Variants in KIF16B observed in about 807,000 individuals in gnomAD.
KIF16B encodes the protein kinesin family member 16B.
In KIF16B, 98 loss-of-function variants were observed where a neutral mutation model predicts 156.3. The ratio of observed to expected loss-of-function variants is 0.63; its 90% CI spans 0.53 to 0.74. The LOEUF (loss-of-function observed/expected upper bound fraction) is 0.74. KIF16B is among the 30% of genes least tolerant of loss of function. KIF16B has a pLI of 0.00. For missense variants in KIF16B, 1,421 were observed against 1,606.5 expected (o/e 0.88, Z 1.97); for synonymous variants, 564 against 583.7 (o/e 0.97, Z 0.49).
At chr20:16,557,337 G>A (rs537575456) in intron 1 of KIF16B, among the ~76,000 whole-genome samples, 14 of 151,832 alleles carry the variant, frequency 9.2e-5, no homozygotes, top group South Asian at 6.2e-4. Context: ...CTGCTACTAC[G>A]CCCGGCTAAT....
intron 15 of KIF16B, among the ~76,000 whole-genome samples, chr20:16,407,840 T>C (rs2065825713): frequency 6.6e-6 from 1 of 152,122 alleles, no homozygotes; most frequent in Admixed American, 6.6e-5. Flanking sequence ...ACAAAATCTT[T>C]AGTTGGCAAG....
At chr20:16,549,468 C>A (rs2147279562) in intron 1 of KIF16B, among the ~76,000 whole-genome samples, 1 of 151,712 alleles carries the variant, frequency 6.6e-6, no homozygotes, top group African/African-American at 2.4e-5. Context: ...GGTTCCAAGT[C>A]TTTGCTATTG....
chr20:16,573,206 G>A, intron 1 of KIF16B, 23 bp downstream of exon 1: 1 of 1,570,508 alleles, frequency 6.4e-7, no homozygotes, highest in South Asian at 1.2e-5. Context: ...ACGAGGGGGC[G>A]GGGCGCGGGC....
At chr20:16,307,635 A>G (rs1251369251) in intron 25 of KIF16B, among the ~76,000 whole-genome samples, 2 of 152,188 alleles carry the variant, frequency 1.3e-5, no homozygotes, top group African/African-American at 2.4e-5. Context: ...AATTTAACTA[A>G]TTTTATGTCT....
In KIF16B at chr20:16,523,531, G is replaced by A. The variant is rs1227124121; in HGVS notation, c.231+2561C>T. Among the ~76,000 whole-genome samples, 3 of 152,024 alleles carry A rather than the reference G, an allele frequency of 2.0e-5. No homozygotes were observed. The East Asian group carries it at 5.8e-4, about 29-fold the overall frequency. On this transcript the variant is annotated intron_variant, in intron 3 of 25. Transcript: ENST00000354981. ...TACAAACCACTGCTCAAAGAAATAAGAGAGGACACAAACAAATGGAAAAAC... is the reference window on the plus strand; with the variant it reads ...TACAAACCACTGCTCAAAGAAATAAAAGAGGACACAAACAAATGGAAAAAC...
Position 16,379,037 on chromosome 20 carries a change from T to C in KIF16B, c.2965A>G (p.Lys989Glu). 6.2e-7 allele frequency: 1 copy of C among 1,610,942 alleles called. No individual in the cohort carries two copies. The highest frequency in any genetic ancestry group is 8.5e-7 in the Non-Finnish European group (1 of 1,178,550). Residue 989 changes from lysine to glutamate, a missense_variant, in exon 19 of 26, where the codon AAG becomes GAG. Coordinates refer to ENST00000354981, the MANE Select transcript of KIF16B (RefSeq NM_024704.5). ...CTGGACTCCAAAATCTCCTTTTCCT[T>C]TTTCCTCACTTTTTCCTCCTGACGT... ...IARQEEKVRK[K>E]EKEILESREK... is the part of the protein sequence containing the mutation.
intron 1 of KIF16B, among the ~76,000 whole-genome samples, chr20:16,549,935 G>A: frequency 1.8e-5 from 1 of 55,130 alleles, no homozygotes. Context: ...ACATAGGCAT[G>A]GGCAAGGACT....
chr20:16,293,382 G>C (rs1377614477), intron 25 of KIF16B, among the ~76,000 whole-genome samples: 1 of 152,164 alleles, frequency 6.6e-6, no homozygotes, highest in East Asian at 1.9e-4. Context: ...AGCAGCACTG[G>C]AGTTAGAAGA....
At chr20:16,334,387 C>G (rs140001098) in intron 24 of KIF16B, among the ~76,000 whole-genome samples, 1 of 152,172 alleles carries the variant, frequency 6.6e-6, no homozygotes, top group Non-Finnish European at 1.5e-5. Flanking sequence ...ATTTCAGCCA[C>G]GAAAATTAAA....
At chr20:16,556,068 G>A (rs1245256560) in intron 1 of KIF16B, among the ~76,000 whole-genome samples, 1 of 152,016 alleles carries the variant, frequency 6.6e-6, no homozygotes, top group Non-Finnish European at 1.5e-5. Context: ...TCCAACACTG[G>A]GCCACTCATT....
chr20:16,343,591 TTCTG>T (rs1329980353), intron 23 of KIF16B, among the ~76,000 whole-genome samples: 16 of 152,298 alleles, frequency 1.1e-4, no homozygotes, highest in African/African-American at 3.4e-4. Context: ...CTAAAAAAAG[TTCTG>T]TCTGATTTTT....
chr20:16,384,627 G>C (rs1323011398), intron 17 of KIF16B, among the ~76,000 whole-genome samples: 1 of 152,148 alleles, frequency 6.6e-6, no homozygotes, highest in Non-Finnish European at 1.5e-5. Flanking sequence ...GTGTTTTGTA[G>C]AAAATAGATG....
At chr20:16,545,322 G>A (rs1464819684) in intron 1 of KIF16B, among the ~76,000 whole-genome samples, 2 of 151,826 alleles carry the variant, frequency 1.3e-5, no homozygotes, top group Non-Finnish European at 2.9e-5. Flanking sequence ...CTTGAGTCCA[G>A]GAGTTTAAGA....
intron 10 of KIF16B, among the ~76,000 whole-genome samples, chr20:16,497,904 T>C (rs2068500021): frequency 6.6e-6 from 1 of 152,110 alleles, no homozygotes; most frequent in Non-Finnish European, 1.5e-5. Flanking sequence ...ACATTTGCAA[T>C]ACAAATCAGC....
chr20:16,418,899 C>A (rs948718196), intron 15 of KIF16B, among the ~76,000 whole-genome samples: 1 of 152,118 alleles, frequency 6.6e-6, no homozygotes, highest in Non-Finnish European at 1.5e-5. Flanking sequence ...CAGCTGGAGG[C>A]TACACTTCCC....
intron 1 of KIF16B, among the ~76,000 whole-genome samples, chr20:16,529,584 T>C (rs2069671586): frequency 1.3e-5 from 2 of 152,356 alleles, no homozygotes; most frequent in South Asian, 2.1e-4. Context: ...GTAATGATGT[T>C]GGTGCCCTAG....
intron 12 of KIF16B, among the ~76,000 whole-genome samples, chr20:16,444,212 T>C (rs2066873837): frequency 6.6e-6 from 1 of 152,220 alleles, no homozygotes; most frequent in Non-Finnish European, 1.5e-5. Flanking sequence ...TTTGGCAGTG[T>C]CTTCTACAGT....
At chr20:16,546,163 G>A (rs1191145721) in intron 1 of KIF16B, among the ~76,000 whole-genome samples, 1 of 152,166 alleles carries the variant, frequency 6.6e-6, no homozygotes, top group Non-Finnish European at 1.5e-5. Context: ...GGGGGCACTA[G>A]GTTTGGGGGA....
intron 12 of KIF16B, among the ~76,000 whole-genome samples, chr20:16,483,208 G>A (rs1281987019): frequency 6.6e-6 from 1 of 152,156 alleles, no homozygotes; most frequent in Non-Finnish European, 1.5e-5. Context: ...ACACCAAAAA[G>A]TAGAACCAAG....
Sources: gnomAD v4.1 joint callset for allele counts (sites outside exome capture counted in the v4.1 genomes callset) on GRCh38, gnomAD v4.1.1 for gene constraint, MANE v1.5 for transcripts, NCBI Gene and HGNC (gene_info 2026-07-23, HGNC 2026-07-21) for gene names.